UBE2H: variants seen among roughly 807,000 people sequenced by gnomAD.
UBE2H encodes the protein ubiquitin conjugating enzyme E2 H, also known as ubiquitin-conjugating enzyme E2 H.
UBE2H carries 3 observed loss-of-function variants against 29.0 expected under a neutral mutation model. The observed-to-expected ratio is 0.10, with a 90% CI of 0.05 to 0.27. UBE2H has a LOEUF of 0.27. UBE2H is among the 10% of genes least tolerant of loss of function. The pLI, the probability that UBE2H is intolerant of heterozygous loss-of-function variation, is 1.00. For missense variants in UBE2H, 68 were observed against 228.2 expected, an observed-to-expected ratio of 0.30 and a Z score of 4.52; for synonymous variants, 69 against 82.9, an observed-to-expected ratio of 0.83 and a Z score of 0.91.
At chr7:129,836,872 T>G (rs1170443754) in intron 6 of UBE2H, among the ~76,000 whole-genome samples, 1 of 57,010 alleles carries the variant, frequency 1.8e-5, no homozygotes, top group Non-Finnish European at 3.7e-5. Flanking sequence ...AGGGCAAGAC[T>G]CCGTCTCAAA....
chr7:129,947,856 GA>G (rs1807796016), intron 1 of UBE2H, among the ~76,000 whole-genome samples: 2 of 151,806 alleles, frequency 1.3e-5, no homozygotes. Context: ...AACATATGAG[GA>G]TTTTTTTTTT....
intron 1 of UBE2H, among the ~76,000 whole-genome samples, chr7:129,907,291 C>CA (rs1230204568): frequency 2.0e-5 from 3 of 152,106 alleles, no homozygotes; most frequent in Non-Finnish European, 2.9e-5. Context: ...AGCGGTATGA[C>CA]AGCTGTCGGG....
intron 1 of UBE2H, among the ~76,000 whole-genome samples, chr7:129,914,064 T>G (rs1361448510): frequency 6.6e-6 from 1 of 152,170 alleles, no homozygotes; most frequent in Middle Eastern, 3.2e-3. Flanking sequence ...TAACATGTAT[T>G]GACTGTACCA....
At chr7:129,877,402 C>G (rs1806167035) in intron 3 of UBE2H, among the ~76,000 whole-genome samples, 1 of 152,172 alleles carries the variant, frequency 6.6e-6, no homozygotes, top group Admixed American at 6.5e-5. Context: ...CTTGCCTTTT[C>G]TAAGTGAGCC....
intron 1 of UBE2H, among the ~76,000 whole-genome samples, chr7:129,882,015 C>T (rs1806266386): frequency 6.6e-6 from 1 of 152,186 alleles, no homozygotes; most frequent in Non-Finnish European, 1.5e-5. Flanking sequence ...CAAACTCCAC[C>T]TTCTTCAGAC....
At chr7:129,872,694 T>C (rs1338358931) in intron 3 of UBE2H, among the ~76,000 whole-genome samples, 2 of 151,412 alleles carry the variant, frequency 1.3e-5, no homozygotes, top group Admixed American at 6.6e-5. Context: ...AACACAAAAA[T>C]TAGCAGGGCA....
At chr7:129,915,636 G>A (rs1807028287) in intron 1 of UBE2H, among the ~76,000 whole-genome samples, 1 of 152,170 alleles carries the variant, frequency 6.6e-6, no homozygotes, top group Non-Finnish European at 1.5e-5. Flanking sequence ...ATGGTTTTCA[G>A]AGCACTAGGA....
intron 5 of UBE2H, among the ~76,000 whole-genome samples, chr7:129,840,069 T>C (rs1312614589): frequency 1.3e-5 from 2 of 152,252 alleles, no homozygotes; most frequent in East Asian, 3.9e-4. Flanking sequence ...CTAATGGAGG[T>C]AAATATAACC....
intron 1 of UBE2H, among the ~76,000 whole-genome samples, chr7:129,929,027 A>G (rs926033498): frequency 5.3e-5 from 8 of 152,098 alleles, no homozygotes; most frequent in Admixed American, 3.9e-4. Flanking sequence ...TGATAAGAGT[A>G]ACATTTAGGG....
At chr7:129,900,692 C>T (rs773859011) in intron 1 of UBE2H, among the ~76,000 whole-genome samples, 2 of 151,052 alleles carry the variant, frequency 1.3e-5, no homozygotes, top group Non-Finnish European at 2.9e-5. Context: ...CATACGTATA[C>T]ATGTAAATAT....
At chr7:129,866,059 G>C (rs937259327) in intron 3 of UBE2H, among the ~76,000 whole-genome samples, 6 of 152,166 alleles carry the variant, frequency 3.9e-5, no homozygotes, top group African/African-American at 1.4e-4. Context: ...ACCTGAGGCA[G>C]CCTGTGCCCG....
intron 1 of UBE2H, among the ~76,000 whole-genome samples, chr7:129,939,637 T>C (rs1008104557): frequency 1.3e-5 from 2 of 152,178 alleles, no homozygotes; most frequent in African/African-American, 4.8e-5. Flanking sequence ...TATCAGCAAC[T>C]GTCTATGCAA....
intron 1 of UBE2H, among the ~76,000 whole-genome samples, chr7:129,933,973 A>G (rs571592529): frequency 7.9e-5 from 12 of 152,208 alleles, no homozygotes; most frequent in Admixed American, 3.3e-4. Context: ...AACATCTCAA[A>G]GCAAAAATGC....
At chr7:129,865,526 C>T (rs897023895) in intron 3 of UBE2H, among the ~76,000 whole-genome samples, 8 of 152,156 alleles carry the variant, frequency 5.3e-5, no homozygotes, top group Admixed American at 2.6e-4. Context: ...GTTAGACAAA[C>T]GACTTGTGAA....
At chr7:129,935,089 C>T (rs895827082) in intron 1 of UBE2H, among the ~76,000 whole-genome samples, 50 of 150,950 alleles carry the variant, frequency 3.3e-4, no homozygotes, top group Non-Finnish European at 1.3e-4. Context: ...TAGAGGTATA[C>T]ATAGAAGCAG....
intron 3 of UBE2H, among the ~76,000 whole-genome samples, chr7:129,873,734 G>A (rs368722320): frequency 2.0e-5 from 3 of 151,944 alleles, no homozygotes; most frequent in Non-Finnish European, 4.4e-5. Flanking sequence ...CACTGCGCTC[G>A]GCCTCACATC....
intron 3 of UBE2H, among the ~76,000 whole-genome samples, chr7:129,870,685 G>A (rs1321663017): frequency 3.9e-5 from 6 of 152,032 alleles, no homozygotes; most frequent in South Asian, 2.1e-4. Context: ...CTTCTATCCC[G>A]TCACTGTGTC....
intron 1 of UBE2H, among the ~76,000 whole-genome samples, chr7:129,950,619 A>G (rs1421054827): frequency 6.6e-6 from 1 of 152,240 alleles, no homozygotes; most frequent in East Asian, 1.9e-4. Flanking sequence ...CAACGATCAC[A>G]AACAGCTGGA....
Position 129,862,337 on chromosome 7 carries a change from A to G in UBE2H, c.206-3396T>C, listed in dbSNP as rs555680105. Reference sequence around the variant, plus strand: ...GCAACGTCTATGGCAAAGGTTCCCAATGCTGGCTACAGATGAGAAGCACTG... The same window carrying G: ...GCAACGTCTATGGCAAAGGTTCCCAGTGCTGGCTACAGATGAGAAGCACTG... On this transcript the variant is annotated intron_variant, in intron 3 of 6. Coordinates refer to ENST00000355621, the MANE Select transcript of UBE2H (RefSeq NM_003344.4). Among the ~76,000 whole-genome samples, 3 of 152,384 alleles carry G rather than the reference A, an allele frequency of 2.0e-5. No homozygotes were observed. The South Asian group carries it at 6.2e-4, about 32-fold the overall frequency.
Sources: allele counts gnomAD v4.1 joint callset (sites outside exome capture counted in the v4.1 genomes callset), GRCh38; gene constraint gnomAD v4.1.1; transcripts MANE v1.5; gene names NCBI Gene and HGNC (gene_info 2026-07-23, HGNC 2026-07-21).